Variants in ARHGEF4 observed in about 807,000 individuals in gnomAD.
The protein encoded by ARHGEF4 is APC-stimulated guanine nucleotide exchange factor 1.
A neutral mutation model predicts 162.0 loss-of-function variants in ARHGEF4; 119 were observed. The ratio of observed to expected loss-of-function variants is 0.73; its 90% CI spans 0.63 to 0.86. The LOEUF (loss-of-function observed/expected upper bound fraction) is 0.86, where lower values mean the gene tolerates loss of function less well. ARHGEF4 is among the 40% of genes least tolerant of loss of function. The pLI is 0.00. For synonymous variants in ARHGEF4, 1,014 were observed against 979.9 expected (o/e 1.03, Z -0.65); for missense variants, 2,488 against 2,456.0 (o/e 1.01, Z -0.28).
At position 130,916,068 on chromosome 2, in the gene ARHGEF4, G is replaced by A. The variant is rs1485363936; in HGVS notation, c.2122G>A (p.Ala708Thr). 2.6e-6 allele frequency: 4 copies of A among 1,550,244 alleles called. No individual in the cohort carries two copies. The highest frequency in any genetic ancestry group is 3.5e-6 in the Non-Finnish European group (4 of 1,146,916). The stretch of plus-strand genomic sequence containing the variant: ...TGGCGATGGGGCTCTTCAGCGGGTG[G>A]CCCAGGCCGCAGAGCTTGGGAGAGT... ...GAGDGALQRV[A>T]QAAELGRVLV... is the part of the protein sequence containing the mutation. Residue 708 changes from alanine (A) to threonine (T), a missense_variant, in exon 2 of 14, where the codon GCC becomes ACC. This residue lies in a region of ARHGEF4 where 1,642 missense variants were observed against 1,481.5 expected (regional missense o/e 1.11). Coordinates refer to ENST00000409359, the MANE Select transcript of ARHGEF4 (RefSeq NM_001367493.1).
At chr2:130,880,496 C>A (rs1679121700) in intron 1 of ARHGEF4, among the ~76,000 whole-genome samples, 1 of 152,162 alleles carries the variant, frequency 6.6e-6, no homozygotes, top group South Asian at 2.1e-4. Flanking sequence ...CCCTCTTTCC[C>A]ATTTGTCTTA....
intron 4 of ARHGEF4, among the ~76,000 whole-genome samples, chr2:130,969,645 T>G (rs1321222366): frequency 6.6e-6 from 1 of 152,066 alleles, no homozygotes; most frequent in African/African-American, 2.4e-5. Context: ...TCAGAGGCCA[T>G]CTGTATTTAT....
At chr2:130,955,620 A>T (rs1684221141) in intron 4 of ARHGEF4, among the ~76,000 whole-genome samples, 6 of 152,110 alleles carry the variant, frequency 3.9e-5, no homozygotes, top group Admixed American at 3.9e-4. Context: ...CACACTGTTA[A>T]GCTCCACTCA....
chr2:130,937,956 T>G (rs370675834), intron 3 of ARHGEF4, among the ~76,000 whole-genome samples: 10 of 152,322 alleles, frequency 6.6e-5, no homozygotes, highest in African/African-American at 2.4e-4. Flanking sequence ...CATAAGCCAC[T>G]GCACCCGGCC....
At chr2:130,846,067 C>T (rs1187093042) in intron 1 of ARHGEF4, among the ~76,000 whole-genome samples, 3 of 152,198 alleles carry the variant, frequency 2.0e-5, no homozygotes, top group African/African-American at 4.8e-5. Context: ...AAGCCAGGCC[C>T]ACCTCGGCCA....
At chr2:130,877,091 G>A (rs980270400) in intron 1 of ARHGEF4, among the ~76,000 whole-genome samples, 7 of 152,118 alleles carry the variant, frequency 4.6e-5, no homozygotes, top group Admixed American at 4.6e-4. Flanking sequence ...GAACACACAG[G>A]CTCCAACCCG....
At chr2:130,988,930 A>AGG (rs1686746711) in intron 4 of ARHGEF4, among the ~76,000 whole-genome samples, 2 of 149,534 alleles carry the variant, frequency 1.3e-5, no homozygotes, top group Non-Finnish European at 1.5e-5. Flanking sequence ...AGAGAGAGAG[A>AGG]GAGAGAAAGA....
chr2:130,898,648 C>G (rs1406010142), intron 1 of ARHGEF4, among the ~76,000 whole-genome samples: 1 of 152,156 alleles, frequency 6.6e-6, no homozygotes, highest in Non-Finnish European at 1.5e-5. Flanking sequence ...GGCAGACACA[C>G]ATTCAGGGTC....
chr2:130,924,128 A>G (rs1275788018), intron 2 of ARHGEF4, among the ~76,000 whole-genome samples: 1 of 151,594 alleles, frequency 6.6e-6, no homozygotes, highest in Non-Finnish European at 1.5e-5. Flanking sequence ...TGATCCACCT[A>G]CCTCGGCCTC....
intron 9 of ARHGEF4, 32 bp from the exon 10 acceptor site, chr2:131,041,783 T>TGCA: frequency 1.2e-6 from 2 of 1,606,362 alleles, no homozygotes; most frequent in Non-Finnish European, 8.5e-7. Flanking sequence ...GTCTCCAGCC[T>TGCA]GCAGCAGCCT....
chr2:130,916,325 G>A lies in ARHGEF4; in HGVS notation c.2379G>A (p.Thr793=), dbSNP rs1007634790. Reference sequence around the variant, plus strand: ...CGCAGGAGCCTGGGAAGCGCCCGACGTTTTCCAAGGTGACCTCCTTCAGGA... The same window carrying A: ...CGCAGGAGCCTGGGAAGCGCCCGACATTTTCCAAGGTGACCTCCTTCAGGA... ...KGAQEPGKRP[T]FSKVTSFRKG... The change falls in exon 2 of 14, where the codon ACG becomes ACA. Residue 793 remains threonine (T), a synonymous_variant. Coordinates refer to ENST00000409359, the MANE Select transcript of ARHGEF4 (RefSeq NM_001367493.1). The A allele has an allele frequency of 3.9e-6, 6 of 1,542,766 alleles. No homozygotes were observed. The highest frequency in any genetic ancestry group is 2.5e-5 in the East Asian group (1 of 40,422).
intron 1 of ARHGEF4, among the ~76,000 whole-genome samples, chr2:130,842,946 T>TC (rs1680706127): frequency 6.6e-6 from 1 of 152,174 alleles, no homozygotes; most frequent in African/African-American, 2.4e-5. Flanking sequence ...CCTGTGGGGC[T>TC]GCCCCGGGTG....
At chr2:131,035,654 C>T (rs923509922) in intron 5 of ARHGEF4, 2 of 988,904 alleles carry the variant, frequency 2.0e-6, no homozygotes, top group African/African-American at 3.5e-5. Flanking sequence ...GTGTGGAAGA[C>T]CCCCGGGCAC....
intron 2 of ARHGEF4, among the ~76,000 whole-genome samples, chr2:130,923,942 A>G (rs6430427): frequency 0.82 from 122,042 of 149,478 alleles, 51,363 homozygotes; most frequent in East Asian, 1. Flanking sequence ...GTGCAGTGGC[A>G]CGATCTCGGC....
At chr2:131,035,229 C>A in intron 5 of ARHGEF4, 1 of 1,224,974 alleles carries the variant, frequency 8.2e-7, no homozygotes, top group Non-Finnish European at 1.0e-6. Context: ...TTCTCATCAA[C>A]GTCGTACTGA....
intron 12 of ARHGEF4, among the ~76,000 whole-genome samples, 176 bp downstream of exon 12, chr2:131,044,718 C>T (rs1691101121): frequency 6.6e-6 from 1 of 152,264 alleles, no homozygotes; most frequent in Non-Finnish European, 1.5e-5. Flanking sequence ...TTCATCACCT[C>T]AATGGCAGGG....
chr2:130,992,302 A>T (rs909466084), intron 4 of ARHGEF4, among the ~76,000 whole-genome samples: 1 of 152,108 alleles, frequency 6.6e-6, no homozygotes, highest in Non-Finnish European at 1.5e-5. Flanking sequence ...CCCCTTCCAC[A>T]CTGTGGAAGC....
At chr2:131,038,786 A>G in intron 5 of ARHGEF4, 67 bp from the exon 6 acceptor site, 6 of 1,510,562 alleles carry the variant, frequency 4.0e-6, no homozygotes, top group Non-Finnish European at 5.3e-6. Flanking sequence ...GAGGGAGTGG[A>G]GACAGAGAGC....
At chr2:130,986,118 C>T (rs914453151) in intron 4 of ARHGEF4, among the ~76,000 whole-genome samples, 4 of 151,262 alleles carry the variant, frequency 2.6e-5, no homozygotes, top group African/African-American at 9.7e-5. Context: ...GCATGTAGTG[C>T]ATGGTGCATG....
Sources: allele counts gnomAD v4.1 joint callset (sites outside exome capture counted in the v4.1 genomes callset), GRCh38; gene constraint gnomAD v4.1.1; regional missense constraint gnomAD v4.1.1; transcripts MANE v1.5; gene names NCBI Gene and HGNC (gene_info 2026-07-23, HGNC 2026-07-21).